Variants in PTPN21 observed in about 807,000 individuals in gnomAD.
PTPN21 encodes tyrosine-protein phosphatase non-receptor type 21.
In PTPN21, 77 loss-of-function variants were observed where a neutral mutation model predicts 131.8. That is an observed-to-expected ratio of 0.58 (90% CI 0.49 to 0.71). PTPN21 has a LOEUF of 0.71. Among genes scored for constraint, PTPN21 ranks in the 30% least tolerant of loss-of-function variants. The pLI is 0.00. For missense variants in PTPN21, 1,552 were observed against 1,527.1 expected, an observed-to-expected ratio of 1.02 and a Z score of -0.27; for synonymous variants, 715 against 621.3, an observed-to-expected ratio of 1.15 and a Z score of -2.24.
At chr14:88,542,755 A>G (rs2078723859) in intron 2 of PTPN21, among the ~76,000 whole-genome samples, 2 of 152,236 alleles carry the variant, frequency 1.3e-5, no homozygotes, top group Admixed American at 1.3e-4. Flanking sequence ...AAACATCAAG[A>G]AAAATCCCTG....
intron 2 of PTPN21, among the ~76,000 whole-genome samples, chr14:88,530,570 C>G (rs1482676919): frequency 6.6e-6 from 1 of 151,960 alleles, no homozygotes; most frequent in East Asian, 1.9e-4. Context: ...CTCACATAAA[C>G]TTAAGGTAAA....
chr14:88,531,457 T>C (rs559283647), intron 2 of PTPN21, among the ~76,000 whole-genome samples: 1 of 152,054 alleles, frequency 6.6e-6, no homozygotes, highest in Non-Finnish European at 1.5e-5. Flanking sequence ...CTCGGGAGGT[T>C]GAGGCAGGAG....
intron 2 of PTPN21, among the ~76,000 whole-genome samples, chr14:88,531,980 C>T (rs757406927): frequency 2.0e-5 from 3 of 152,020 alleles, no homozygotes; most frequent in Non-Finnish European, 4.4e-5. Flanking sequence ...AACGCCTTTG[C>T]GTGCATAAAC....
At chr14:88,554,385 T>A (rs1424140865) in intron 1 of PTPN21, among the ~76,000 whole-genome samples, 1 of 152,204 alleles carries the variant, frequency 6.6e-6, no homozygotes, top group Non-Finnish European at 1.5e-5. Context: ...TTTAAAACCC[T>A]GATCCAGAAT....
At chr14:88,533,436 T>C (rs1166554449) in intron 2 of PTPN21, among the ~76,000 whole-genome samples, 1 of 152,252 alleles carries the variant, frequency 6.6e-6, no homozygotes, top group African/African-American at 2.4e-5. Flanking sequence ...GTAGTGATGC[T>C]GGTATAAACA....
At chr14:88,536,228 C>T (rs2078629237) in intron 2 of PTPN21, among the ~76,000 whole-genome samples, 1 of 152,184 alleles carries the variant, frequency 6.6e-6, no homozygotes, top group Admixed American at 6.5e-5. Context: ...TACATTCTCC[C>T]TTCCTTTCCT....
Position 88,497,193 on chromosome 14 carries a change from G to A in PTPN21, c.852+10C>T. The A allele has an allele frequency of 6.3e-7, 1 of 1,582,942 alleles. No homozygotes were observed. The highest frequency in any genetic ancestry group is 1.3e-5 in the African/African-American group (1 of 74,218). ...AAAACATTCCATGCAGACCCCTAAT[G>A]TTTACTCACAGTTTGAAATTGAATG... On this transcript the variant is annotated intron_variant, in intron 9 of 18. Coordinates refer to ENST00000556564, the MANE Select transcript of PTPN21 (RefSeq NM_007039.4).
chr14:88,479,651 G>C lies in PTPN21; in HGVS notation c.1780C>G (p.Leu594Val). The C allele has an allele frequency of 6.5e-7, 1 of 1,548,444 alleles. No homozygotes were observed. The highest frequency in any genetic ancestry group is 8.7e-7 in the Non-Finnish European group (1 of 1,152,638). ...HLYISSSNPD[L>V]ITRRVHHSVQ... ...GAGTGGTGCACGCGCCGCGTGATGA[G>C]GTCGGGGTTGCTGCTGCTGATGTAA... is the stretch of plus-strand genomic sequence containing the variant. The change falls in exon 13 of 19, where the codon CTC becomes GTC. Residue 594 changes from leucine (L) to valine (V), a missense_variant. Coordinates refer to ENST00000556564, the MANE Select transcript of PTPN21 (RefSeq NM_007039.4).
intron 2 of PTPN21, among the ~76,000 whole-genome samples, chr14:88,535,876 A>G (rs2078623797): frequency 6.6e-6 from 1 of 152,184 alleles, no homozygotes; most frequent in African/African-American, 2.4e-5. Flanking sequence ...CTTGAGTCCA[A>G]ATCTTCTGGA....
chr14:88,503,840 G>A (rs1444614231), intron 6 of PTPN21: 1 of 152,328 alleles, frequency 6.6e-6, no homozygotes, highest in Non-Finnish European at 1.5e-5. Flanking sequence ...TTTAGAATAA[G>A]ACTTAGCATT....
At chr14:88,496,558 A>G (rs1480940378) in intron 9 of PTPN21, 66 bp from the exon 10 acceptor site, 2 of 1,246,102 alleles carry the variant, frequency 1.6e-6, no homozygotes, top group African/African-American at 3.0e-5. Flanking sequence ...TTTAATGCAG[A>G]GTTTGTCTAA....
At chr14:88,493,837 A>T (rs754424147) in intron 10 of PTPN21, among the ~76,000 whole-genome samples, 11 of 152,122 alleles carry the variant, frequency 7.2e-5, no homozygotes, top group Non-Finnish European at 1.6e-4. Flanking sequence ...TTCCTAAGGG[A>T]TCTTACAGCA....
At chr14:88,534,344 C>T (rs2078598253) in intron 2 of PTPN21, among the ~76,000 whole-genome samples, 1 of 150,342 alleles carries the variant, frequency 6.7e-6, no homozygotes, top group Non-Finnish European at 1.5e-5. Context: ...GATCACGCAA[C>T]TGTACCCCAG....
chr14:88,509,578 C>T (rs528821454), intron 3 of PTPN21, among the ~76,000 whole-genome samples: 21 of 152,200 alleles, frequency 1.4e-4, no homozygotes, highest in Non-Finnish European at 2.6e-4. Flanking sequence ...TAATGGGATG[C>T]TGGCAGTTCT....
At chr14:88,492,594 C>T (rs960291720) in intron 10 of PTPN21, among the ~76,000 whole-genome samples, 31 of 152,124 alleles carry the variant, frequency 2.0e-4, no homozygotes, top group African/African-American at 7.0e-4. Context: ...GCTCCCCGTC[C>T]GGGTGGGCAT....
At chr14:88,496,243 C>T (rs1152377) in intron 10 of PTPN21, among the ~76,000 whole-genome samples, 170 bp downstream of exon 10, 83,907 of 152,030 alleles carry the variant, frequency 0.55, 25,478 homozygotes, top group Admixed American at 0.7. Flanking sequence ...ATCTTAGAGG[C>T]ATACAATGTA....
At position 88,473,665 on chromosome 14, in the gene PTPN21, C is replaced by G; in HGVS notation, c.2649G>C (p.Arg883Ser). 6.2e-7 allele frequency: 1 copy of G among 1,612,098 alleles called. No homozygotes were observed. Among genetic ancestry groups the G allele is most frequent in the South Asian group, 1.1e-5 (1 of 90,646 alleles). ...AAAGCCCTGTGTGTCCCATACATACCCTTTCATCATTCGTTGCTCTGGTAG... is the reference window on the plus strand; with the variant it reads ...AAAGCCCTGTGTGTCCCATACATACGCTTTCATCATTCGTTGCTCTGGTAG... ...EVATRATNDE[R>S]CKILEQRLEQ... The change falls in exon 14 of 19, where the codon AGG becomes AGC. Residue 883 changes from arginine to serine, a missense_variant and splice_region_variant. Coordinates refer to ENST00000556564, the MANE Select transcript of PTPN21 (RefSeq NM_007039.4).
intron 2 of PTPN21, among the ~76,000 whole-genome samples, chr14:88,547,831 T>A (rs557553595): frequency 2.0e-5 from 3 of 152,118 alleles, no homozygotes; most frequent in Admixed American, 6.5e-5. Flanking sequence ...CATACCATCT[T>A]CTGGCTTTAA....
At chr14:88,527,052 T>C (rs1379647205) in intron 2 of PTPN21, among the ~76,000 whole-genome samples, 6 of 152,178 alleles carry the variant, frequency 3.9e-5, no homozygotes, top group African/African-American at 1.4e-4. Flanking sequence ...TATCCACTAG[T>C]TGGTTGATGG....
Sources: gnomAD v4.1 joint callset for allele counts (sites outside exome capture counted in the v4.1 genomes callset) on GRCh38, gnomAD v4.1.1 for gene constraint, MANE v1.5 for transcripts, NCBI Gene and HGNC (gene_info 2026-07-23, HGNC 2026-07-21) for gene names.